KCNQ1: variants seen among roughly 807,000 people sequenced by gnomAD.
KCNQ1 encodes the protein potassium voltage-gated channel subfamily KQT member 1.
KCNQ1 carries 49 observed loss-of-function variants against 72.4 expected under a neutral mutation model. The ratio of observed to expected loss-of-function variants is 0.68; its 90% confidence interval spans 0.54 to 0.86. KCNQ1 has a LOEUF of 0.86. Ranked by LOEUF, KCNQ1 falls within the 40% of genes least tolerant of loss-of-function variation. KCNQ1 has a pLI of 0.00. For synonymous variants in KCNQ1, 450 were observed against 412.6 expected (o/e 1.09, Z -1.10); for missense variants, 790 against 945.1 (o/e 0.84, Z 2.15).
chr11:2,457,842 G>C lies in KCNQ1; in HGVS notation c.386+12358G>C, dbSNP rs146338901. Among the ~76,000 whole-genome samples the C allele has an allele frequency of 1.3e-5, 2 of 151,676 alleles. No individual in the cohort carries two copies. The highest frequency in any genetic ancestry group is 4.8e-5 in the African/African-American group (2 of 41,392). Reference sequence around the variant, plus strand: ...AAAAAAAAAAAACAGATGTAAGTTAGAAGAGGTTACGCAAAAATCCTCCAT... The same window carrying C: ...AAAAAAAAAAAACAGATGTAAGTTACAAGAGGTTACGCAAAAATCCTCCAT... On this transcript the variant is annotated intron_variant, in intron 1 of 15. Coordinates refer to ENST00000155840, the MANE Select transcript of KCNQ1 (RefSeq NM_000218.3). This position sits in a 1 kb window ranked among gnomAD's most constrained non-coding sequence, Gnocchi z 5.0.
At position 2,647,166 on chromosome 11, in the gene KCNQ1, T is replaced by A. The variant is rs143469361; in HGVS notation, c.1394-14795T>A. On this transcript the variant is annotated intron_variant, in intron 10 of 15. Transcript: ENST00000155840. This position sits in a 1 kb window ranked among gnomAD's most constrained non-coding sequence, Gnocchi z 4.0. ...TCCTTCTAGACATTATGTGATGAGC[T>A]TTTTTTTTTATCATGAAGAGATTTT... 2.8e-6 allele frequency: 1 copy of A among 357,478 alleles called. No individual in the cohort carries two copies. Among genetic ancestry groups the A allele is most frequent in the East Asian group, 4.6e-5 (1 of 21,864 alleles). The allele number at this position is 357,478 out of a possible 1,614,324, so 22.1% of individuals were successfully genotyped here.
At chr11:2,606,718 C>A (rs1370569025) in intron 10 of KCNQ1, among the ~76,000 whole-genome samples, 1 of 152,058 alleles carries the variant, frequency 6.6e-6, no homozygotes, top group East Asian at 1.9e-4. Flanking sequence ...TATGTCATCT[C>A]CAAATAGTTC....
intron 1 of KCNQ1, among the ~76,000 whole-genome samples, chr11:2,448,121 C>T (rs1272593815): frequency 6.6e-6 from 1 of 152,254 alleles, no homozygotes; most frequent in Non-Finnish European, 1.5e-5. Flanking sequence ...CCCTGCTGCA[C>T]CCAGCGGTCC....
intron 6 of KCNQ1, 45 bp downstream of exon 6, chr11:2,573,031 T>C (rs1848365903): frequency 3.7e-6 from 6 of 1,600,510 alleles, no homozygotes; most frequent in Non-Finnish European, 5.1e-6. Context: ...CAGCTCAGGC[T>C]GAGGAGTGGG....
Position 2,808,020 on chromosome 11 carries a change from C to T in KCNQ1, c.1794+29983C>T, listed in dbSNP as rs1847414444. The stretch of plus-strand genomic sequence containing the variant: ...TCTCTGGGGGCAGGGCCGGTGGTAC[C>T]TGGAGCCCTCCCCACTGAGCACCTG... On this transcript the variant is annotated intron_variant, in intron 15 of 15. Coordinates refer to ENST00000155840, the MANE Select transcript of KCNQ1 (RefSeq NM_000218.3). The surrounding 1 kb of genome is among the most constrained non-coding windows in gnomAD (Gnocchi z 6.0). 1.3e-5 allele frequency among the ~76,000 whole-genome samples: 2 copies of T among 152,200 alleles called. No homozygotes were observed. Among genetic ancestry groups the T allele is most frequent in the South Asian group, 2.1e-4 (1 of 4,834 alleles).
chr11:2,797,800 G>T (rs1402139049), intron 15 of KCNQ1, among the ~76,000 whole-genome samples: 3 of 152,018 alleles, frequency 2.0e-5, no homozygotes, highest in Non-Finnish European at 1.5e-5. Context: ...TGACCACATG[G>T]CCTTCGGCAC....
Position 2,659,273 on chromosome 11 carries a change from C to T in KCNQ1, c.1394-2688C>T. 1 of 398,634 alleles carries T rather than the reference C, an allele frequency of 2.5e-6. No homozygotes were observed. The highest frequency in any genetic ancestry group is 4.4e-6 in the Non-Finnish European group (1 of 226,074). 24.7% of individuals were successfully genotyped at this position (398,634 alleles called of 1,614,324 possible). A position where few individuals can be genotyped will look rare whatever the true frequency, so the allele number is the denominator to read the frequency against. On this transcript the variant is annotated intron_variant, in intron 10 of 15. Coordinates refer to ENST00000155840, the MANE Select transcript of KCNQ1 (RefSeq NM_000218.3). The surrounding 1 kb of genome is among the most constrained non-coding windows in gnomAD (Gnocchi z 4.3). ...TCTTTTGAAGTCAAGTACTTCTCCC[C>T]TAACCACTGGCAGCTATTGATCTGT... is the stretch of plus-strand genomic sequence containing the variant.
In KCNQ1 at chr11:2,663,820, G is replaced by C. The variant is rs1850013231; in HGVS notation, c.1514+1739G>C. ...ACCACTATGGGGGTGAGGGCTGCCA[G>C]TGCTGGTATCAGCACATGCCAAGCT... On this transcript the variant is annotated intron_variant, in intron 11 of 15. Transcript: ENST00000155840. The surrounding 1 kb of genome is among the most constrained non-coding windows in gnomAD (Gnocchi z 5.2). The C allele has an allele frequency of 1.3e-5, 5 of 398,472 alleles. No homozygotes were observed. The Admixed American group carries it at 1.3e-4, about 11-fold the overall frequency. 24.7% of individuals were successfully genotyped at this position (398,472 alleles called of 1,614,324 possible). A position where few individuals can be genotyped will look rare whatever the true frequency, so the allele number is the denominator to read the frequency against.
rs75662585 is a variant in KCNQ1, at chr11:2,649,761, G to T, written c.1394-12200G>T. The T allele has an allele frequency of 5.5e-5, 22 of 398,458 alleles. No individual in the cohort carries two copies. In the East Asian group the frequency reaches 7.8e-4, roughly 14 times the overall value. The allele number at this position is 398,458 out of a possible 1,614,324, so 24.7% of individuals were successfully genotyped here. A position where few individuals can be genotyped will look rare whatever the true frequency, so the allele number is the denominator to read the frequency against. ...TGATTTTTGACAGTTTGATGAAAATGTGCCTCAGAGAGGCCCTTTTAGGGT... is the reference window on the plus strand; with the variant it reads ...TGATTTTTGACAGTTTGATGAAAATTTGCCTCAGAGAGGCCCTTTTAGGGT... On this transcript the variant is annotated intron_variant, in intron 10 of 15. Transcript: ENST00000155840.
Position 2,654,460 on chromosome 11 carries a change from G to A in KCNQ1, c.1394-7501G>A, listed in dbSNP as rs1431174019. 3 of 398,610 alleles carry A rather than the reference G, an allele frequency of 7.5e-6. No individual in the cohort carries two copies. Among genetic ancestry groups the A allele is most frequent in the African/African-American group, 4.1e-5 (2 of 48,590 alleles). The allele number at this position is 398,610 out of a possible 1,614,324, so 24.7% of individuals were successfully genotyped here. A position where few individuals can be genotyped will look rare whatever the true frequency, so the allele number is the denominator to read the frequency against. On this transcript the variant is annotated intron_variant, in intron 10 of 15. Coordinates refer to ENST00000155840, the MANE Select transcript of KCNQ1 (RefSeq NM_000218.3). The surrounding 1 kb of genome is among the most constrained non-coding windows in gnomAD (Gnocchi z 6.4). ...GCAAGGTTCCCGTGCTGAGCGCCAG[G>A]CACACATAAGCCCTGCAGCCGTACA...
Position 2,717,587 on chromosome 11 carries a change from C to T in KCNQ1, c.1515-51257C>T, listed in dbSNP as rs372918637. Among the ~76,000 whole-genome samples the T allele has an allele frequency of 1.4e-4, 22 of 152,316 alleles. No individual in the cohort carries two copies. The East Asian group carries it at 2.7e-3, about 19-fold the overall frequency. On this transcript the variant is annotated intron_variant, in intron 11 of 15. Transcript: ENST00000155840. ...GAGGGAGAGGAGCTCCGGGAGGTCACGGCCCCACCCAGGAACGTTCCTGTC... is the reference window on the plus strand; with the variant it reads ...GAGGGAGAGGAGCTCCGGGAGGTCATGGCCCCACCCAGGAACGTTCCTGTC...
At chr11:2,554,288 G>A (rs1848036851) in intron 2 of KCNQ1, among the ~76,000 whole-genome samples, 1 of 152,200 alleles carries the variant, frequency 6.6e-6, no homozygotes, top group Non-Finnish European at 1.5e-5. Flanking sequence ...AGTTTTCTTT[G>A]TGGAGAAGTT....
rs951072070 is a variant in KCNQ1 at position 2,626,755 on chromosome 11, C to G, written c.1394-35206C>G. Reference sequence around the variant, plus strand: ...TGTTCCCCAGGCTGGTCTCAAACTCCTGGACTCAGAAGTCCTCCCACCTCA... The same window carrying G: ...TGTTCCCCAGGCTGGTCTCAAACTCGTGGACTCAGAAGTCCTCCCACCTCA... On this transcript the variant is annotated intron_variant, in intron 10 of 15. Coordinates refer to ENST00000155840, the MANE Select transcript of KCNQ1 (RefSeq NM_000218.3). This position sits in a 1 kb window ranked among gnomAD's most constrained non-coding sequence, Gnocchi z 4.0. 1 of 398,566 alleles carries G rather than the reference C, an allele frequency of 2.5e-6. No homozygotes were observed. The allele number at this position is 398,566 out of a possible 1,614,324, so 24.7% of individuals were successfully genotyped here.
intron 15 of KCNQ1, among the ~76,000 whole-genome samples, chr11:2,842,631 C>T (rs1463272117): frequency 6.6e-6 from 1 of 152,220 alleles, no homozygotes; most frequent in Non-Finnish European, 1.5e-5. Context: ...CGCACAGTCT[C>T]CCACACTCAT....
intron 11 of KCNQ1, among the ~76,000 whole-genome samples, chr11:2,738,280 C>G (rs973281583): frequency 6.6e-6 from 1 of 151,210 alleles, no homozygotes; most frequent in African/African-American, 2.4e-5. Context: ...GGGGGCACAG[C>G]GGGTTCCTTG....
rs1850334597 is a variant in KCNQ1 at position 2,678,605 on chromosome 11, C to A, written c.1514+16524C>A. On this transcript the variant is annotated intron_variant, in intron 11 of 15. Transcript: ENST00000155840. This position sits in a 1 kb window ranked among gnomAD's most constrained non-coding sequence, Gnocchi z 4.9. Reference sequence around the variant, plus strand: ...CACTTATCTGTGTAGCAGGACTCCCCCTCATCTCCATTACTTAAGAGCCAA... The same window carrying A: ...CACTTATCTGTGTAGCAGGACTCCCACTCATCTCCATTACTTAAGAGCCAA... The A allele has an allele frequency of 5.0e-6, 2 of 398,566 alleles. No homozygotes were observed. Among genetic ancestry groups the A allele is most frequent in the Non-Finnish European group, 8.8e-6 (2 of 226,066 alleles). 24.7% of individuals were successfully genotyped at this position (398,566 alleles called of 1,614,324 possible).
intron 11 of KCNQ1, chr11:2,700,078 AG>A: frequency 2.5e-6 from 1 of 398,020 alleles, no homozygotes; most frequent in African/African-American, 2.1e-5. Context: ...GGGCGGCAGC[AG>A]GGGAAGGCTT....
In KCNQ1 at chr11:2,448,542, T is replaced by C. The variant is rs114955687; in HGVS notation, c.386+3058T>C. 2.8e-3 allele frequency among the ~76,000 whole-genome samples: 429 copies of C among 152,296 alleles called. 1 individual carries two copies. The highest frequency in any genetic ancestry group is 9.9e-3 in the African/African-American group (411 of 41,562). ...GCCCTCCTATCTCCAGGCTCTGGCA[T>C]TGGAGTCTGAAGCAGCTGCTGGGCA... On this transcript the variant is annotated intron_variant, in intron 1 of 15. Transcript: ENST00000155840.
chr11:2,571,408 GT>G lies in KCNQ1; in HGVS notation c.683+6del. The G allele has an allele frequency of 6.2e-7, 1 of 1,609,242 alleles. No homozygotes were observed. Among genetic ancestry groups the G allele is most frequent in the Non-Finnish European group, 8.5e-7 (1 of 1,179,472 alleles). Reference sequence around the variant, plus strand: ...GTTTGCCACGTCGGCCATCAGGTGCGTCTGTGCCACAAGCTCCCCCCGCCAT... The same window carrying G: ...GTTTGCCACGTCGGCCATCAGGTGCGCTGTGCCACAAGCTCCCCCCGCCAT... On this transcript the variant is annotated splice_donor_region_variant and intron_variant, in intron 4 of 15. Transcript: ENST00000155840.
Sources: allele counts gnomAD v4.1 joint callset (sites outside exome capture counted in the v4.1 genomes callset), GRCh38; gene constraint gnomAD v4.1.1; non-coding constraint Gnocchi (gnomAD v3.1); transcripts MANE v1.5; gene names NCBI Gene and HGNC (gene_info 2026-07-23, HGNC 2026-07-21).